The following WDPCP variants were observed in gnomAD, a reference collection of about 807,000 sequenced individuals.
WDPCP encodes WD repeat containing planar cell polarity effector.
A neutral mutation model predicts 93.1 loss-of-function variants in WDPCP; 71 were observed. The ratio of observed to expected loss-of-function variants is 0.76; its 90% confidence interval spans 0.63 to 0.93. WDPCP has a LOEUF of 0.93. Among genes scored for constraint, WDPCP ranks in the 40% least tolerant of loss-of-function variants. The pLI is 0.00. For missense variants in WDPCP, 844 were observed against 887.4 expected (o/e 0.95, Z 0.62); for synonymous variants, 315 against 315.0 (o/e 1.00, Z 0.00).
intron 2 of WDPCP, among the ~76,000 whole-genome samples, chr2:63,750,988 C>T (rs563961475): frequency 3.3e-5 from 5 of 152,142 alleles, no homozygotes; most frequent in South Asian, 2.1e-4. Flanking sequence ...GGTGGCCTCA[C>T]GAACAAGCAG....
At chr2:63,255,031 T>C (rs537761218) in intron 14 of WDPCP, among the ~76,000 whole-genome samples, 2 of 152,124 alleles carry the variant, frequency 1.3e-5, no homozygotes, top group African/African-American at 4.8e-5. Context: ...AGGAGAAAGA[T>C]CATGATAATC....
At chr2:63,701,065 C>T (rs1021162879) in intron 2 of WDPCP, among the ~76,000 whole-genome samples, 4 of 152,156 alleles carry the variant, frequency 2.6e-5, no homozygotes, top group Admixed American at 1.3e-4. Context: ...AAGGTAGAGA[C>T]AATCCACAGA....
At position 63,536,738 on chromosome 2, in the gene WDPCP, C is replaced by CA. The variant is rs563790018; in HGVS notation, c.76-43799dup. 2.8e-3 allele frequency among the ~76,000 whole-genome samples: 367 copies of CA among 131,490 alleles called. 2 individuals are homozygous for CA. Among genetic ancestry groups the CA allele is most frequent in the African/African-American group, 8.2e-3 (290 of 35,350 alleles). 86.3% of individuals were successfully genotyped at this position (131,490 alleles called of 152,430 possible). The stretch of plus-strand genomic sequence containing the variant: ...AAATGGAAAGATAAAAACAAACAAC[C>CA]AAAAAAAAATGGTAAAAATCTCAGA... On this transcript the variant is annotated intron_variant, in intron 1 of 17. Coordinates refer to ENST00000272321, the MANE Select transcript of WDPCP (RefSeq NM_015910.7).
chr2:63,325,697 C>T (rs993862632), intron 12 of WDPCP, among the ~76,000 whole-genome samples: 1 of 152,192 alleles, frequency 6.6e-6, no homozygotes, highest in African/African-American at 2.4e-5. Context: ...AAGTCCCATA[C>T]CCTTATTAGG....
intron 14 of WDPCP, among the ~76,000 whole-genome samples, chr2:63,178,240 A>AT (rs1473328314): frequency 7.2e-5 from 11 of 151,858 alleles, no homozygotes; most frequent in Admixed American, 1.3e-4. Context: ...TGAATTTGGG[A>AT]TTTTCCCTTC....
At chr2:63,582,574 A>C (rs1234620020) in intron 1 of WDPCP, among the ~76,000 whole-genome samples, 2 of 152,112 alleles carry the variant, frequency 1.3e-5, no homozygotes, top group East Asian at 3.8e-4. Context: ...AGCTCCATGA[A>C]CCCCAAGCAC....
intron 3 of WDPCP, chr2:63,597,220 T>A (rs1011367990): frequency 1.8e-5 from 16 of 913,454 alleles, no homozygotes; most frequent in Non-Finnish European, 2.1e-5. Context: ...TATTGACATT[T>A]CTAATGTTAT....
At chr2:63,545,337 GAGAGAGAGAGAGAGAC>G (rs945189501) in intron 1 of WDPCP, among the ~76,000 whole-genome samples, 7 of 150,026 alleles carry the variant, frequency 4.7e-5, no homozygotes, top group Admixed American at 4.0e-4. Flanking sequence ...GTGTGTGTGT[GAGAGAGAGAGAGAGAC>G]AGAGAGAGAG....
intron 9 of WDPCP, among the ~76,000 whole-genome samples, chr2:63,405,970 A>C (rs1425992673): frequency 1.3e-5 from 2 of 152,212 alleles, no homozygotes; most frequent in African/African-American, 4.8e-5. Context: ...ATTTTCCTGT[A>C]TTTGACAGTG....
At chr2:63,225,894 A>G (rs145289165) in intron 14 of WDPCP, among the ~76,000 whole-genome samples, 68 of 152,002 alleles carry the variant, frequency 4.5e-4, no homozygotes, top group African/African-American at 1.6e-3. Flanking sequence ...AATCCTTTGC[A>G]GTATAAGAAG....
rs528980955 is a variant in WDPCP, at chr2:63,792,337, A to G, written n.308+21285T>C. Among the ~76,000 whole-genome samples the G allele has an allele frequency of 3.3e-5, 5 of 152,250 alleles. No individual in the cohort carries two copies. The South Asian group carries it at 1.0e-3, about 32-fold the overall frequency. ...AAGGAGGAACTGTCAAACACGTATA[A>G]AACCATCAGATCTCATGAGAACTCA... is the stretch of plus-strand genomic sequence containing the variant. On this transcript the variant is annotated intron_variant and non_coding_transcript_variant, in intron 2 of 4. Transcript: ENST00000467687.
chr2:63,179,300 G>A (rs1382987093), intron 14 of WDPCP, among the ~76,000 whole-genome samples: 1 of 151,628 alleles, frequency 6.6e-6, no homozygotes, highest in East Asian at 2.0e-4. Flanking sequence ...CATGATGCTG[G>A]CATCTGCTCA....
At chr2:63,313,644 A>T (rs970187012) in intron 12 of WDPCP, among the ~76,000 whole-genome samples, 6 of 152,022 alleles carry the variant, frequency 3.9e-5, no homozygotes, top group Non-Finnish European at 5.9e-5. Flanking sequence ...TCTCAGCTAT[A>T]GAAATCAAAA....
chr2:63,378,427 T>C lies in WDPCP; in HGVS notation c.1707A>G (p.Gln569=). ...LDSTILEYRD[Q]ISKYARRFFH... ...AGAATCTCCTTGCATATTTGCTGAT[T>C]TGATCTCTATATTCCAATATAGTGG... The change falls in exon 12 of 18, where the codon CAA becomes CAG. Residue 569 remains glutamine (Q), a synonymous_variant. Transcript: ENST00000272321. 1 of 1,613,246 alleles carries C rather than the reference T, an allele frequency of 6.2e-7. No individual in the cohort carries two copies. The highest frequency in any genetic ancestry group is 8.5e-7 in the Non-Finnish European group (1 of 1,179,442).
chr2:63,440,389 G>T (rs1367499054), intron 6 of WDPCP: 1 of 152,216 alleles, frequency 6.6e-6, no homozygotes, highest in Non-Finnish European at 1.5e-5. Context: ...AGTCTAAAAT[G>T]TTAAAATACA....
chr2:63,664,037 A>C (rs919602887), intron 2 of WDPCP, among the ~76,000 whole-genome samples: 2 of 152,310 alleles, frequency 1.3e-5, no homozygotes, highest in African/African-American at 4.8e-5. Flanking sequence ...AGTTTGAGAT[A>C]ATTAAATCAT....
chr2:63,466,101 T>C (rs558820592), intron 6 of WDPCP, among the ~76,000 whole-genome samples: 1 of 152,206 alleles, frequency 6.6e-6, no homozygotes, highest in African/African-American at 2.4e-5. Context: ...AATAGACCAA[T>C]TTATATGCTT....
intron 2 of WDPCP, among the ~76,000 whole-genome samples, chr2:63,750,413 T>G (rs993748293): frequency 6.6e-6 from 1 of 151,872 alleles, no homozygotes; most frequent in African/African-American, 2.4e-5. Context: ...CTTGGTAAAA[T>G]AAATAGGAAA....
At chr2:63,627,793 C>T (rs1709825757) in intron 3 of WDPCP, among the ~76,000 whole-genome samples, 1 of 152,194 alleles carries the variant, frequency 6.6e-6, no homozygotes, top group Admixed American at 6.5e-5. Context: ...CACCACCCTT[C>T]AATTTGTTCG....
Sources: allele counts gnomAD v4.1 joint callset (sites outside exome capture counted in the v4.1 genomes callset), GRCh38; gene constraint gnomAD v4.1.1; transcripts MANE v1.5; gene names NCBI Gene and HGNC (gene_info 2026-07-23, HGNC 2026-07-21).